Variants in SHCBP1 observed in about 807,000 individuals in gnomAD.
SHCBP1 encodes the protein SHC SH2 domain-binding protein 1.
Under a neutral mutation model 75.1 loss-of-function variants are expected in SHCBP1, and 60 were observed. The ratio of observed to expected loss-of-function variants is 0.80; its 90% CI spans 0.65 to 0.99. The LOEUF (loss-of-function observed/expected upper bound fraction) is 0.99. Among genes scored for constraint, SHCBP1 ranks in the 50% least tolerant of loss-of-function variants. The pLI is 0.00. For missense variants in SHCBP1, 709 were observed against 809.4 expected, an observed-to-expected ratio of 0.88 and a Z score of 1.50; for synonymous variants, 290 against 293.2, an observed-to-expected ratio of 0.99 and a Z score of 0.11.
chr16:46,597,762 T>C (rs2142999628), intron 9 of SHCBP1, among the ~76,000 whole-genome samples: 1 of 152,388 alleles, frequency 6.6e-6, no homozygotes, highest in African/African-American at 2.4e-5. Context: ...CTCTGTAGCA[T>C]GTGATCTTGT....
At position 46,616,532 on chromosome 16, in the gene SHCBP1, G is replaced by A. The variant is rs758143740; in HGVS notation, c.388-378C>T. The stretch of plus-strand genomic sequence containing the variant: ...GACAGGCTTGGCAGCTGGAGGAGCG[G>A]AAAGGCAGTCCTTCTTGCTGGAGCC... On this transcript the variant is annotated intron_variant, in intron 3 of 12. Transcript: ENST00000303383. This position sits in a 1 kb window ranked among gnomAD's most constrained non-coding sequence, Gnocchi z 4.4. Among the ~76,000 whole-genome samples the A allele has an allele frequency of 6.6e-6, 1 of 152,160 alleles. No individual in the cohort carries two copies. The highest frequency in any genetic ancestry group is 2.4e-5 in the African/African-American group (1 of 41,428).
intron 10 of SHCBP1, among the ~76,000 whole-genome samples, chr16:46,588,142 C>T (rs1005412210): frequency 3.9e-5 from 6 of 152,054 alleles, no homozygotes; most frequent in Admixed American, 3.9e-4. Context: ...ACACAACATA[C>T]CAGAATCTCT....
chr16:46,592,190 AAC>A (rs949545362), intron 10 of SHCBP1, among the ~76,000 whole-genome samples: 5 of 152,260 alleles, frequency 3.3e-5, no homozygotes, highest in Admixed American at 6.5e-5. Flanking sequence ...AAAGAAAAAA[AAC>A]ACAGAACAAT....
chr16:46,592,207 C>G (rs1042688499), intron 10 of SHCBP1, among the ~76,000 whole-genome samples: 85 of 151,614 alleles, frequency 5.6e-4, no homozygotes, highest in African/African-American at 1.8e-3. Context: ...AACAATGAAA[C>G]AAAGAGTTGG....
chr16:46,600,182 A>G (rs1965211099), intron 8 of SHCBP1, among the ~76,000 whole-genome samples: 1 of 152,222 alleles, frequency 6.6e-6, no homozygotes, highest in South Asian at 2.1e-4. Context: ...GTCCCGTATC[A>G]GGAAGACTAC....
chr16:46,613,577 CT>C (rs1338235554), intron 4 of SHCBP1, among the ~76,000 whole-genome samples: 2 of 152,330 alleles, frequency 1.3e-5, no homozygotes, highest in Admixed American at 6.5e-5. Flanking sequence ...TTCCCCACCC[CT>C]GCCTCCCCTT....
intron 9 of SHCBP1, among the ~76,000 whole-genome samples, chr16:46,597,479 T>C (rs1433838937): frequency 6.6e-6 from 1 of 152,246 alleles, no homozygotes; most frequent in East Asian, 1.9e-4. Flanking sequence ...ATGTTTATAA[T>C]GCATCTATTA....
At chr16:46,605,804 T>C (rs1205653724) in intron 5 of SHCBP1, among the ~76,000 whole-genome samples, 2 of 152,046 alleles carry the variant, frequency 1.3e-5, no homozygotes, top group Non-Finnish European at 1.5e-5. Flanking sequence ...GATAGAACCA[T>C]ATCTTAAACA....
In SHCBP1 at chr16:46,582,159, T is replaced by C. The variant is rs894516529; in HGVS notation, c.1694-105A>G. ...CAACAAGCAGCTGCCTTGCTTTCTATACCAAGGTTCCCTGACCCTCACACA... is the reference window on the plus strand; with the variant it reads ...CAACAAGCAGCTGCCTTGCTTTCTACACCAAGGTTCCCTGACCCTCACACA... On this transcript the variant is annotated intron_variant, in intron 12 of 12. Coordinates refer to ENST00000303383, the MANE Select transcript of SHCBP1 (RefSeq NM_024745.5). 1.8e-5 allele frequency: 21 copies of C among 1,198,164 alleles called. No homozygotes were observed. In the South Asian group the frequency reaches 2.5e-4, roughly 14 times the overall value. 74.2% of individuals were successfully genotyped at this position (1,198,164 alleles called of 1,614,324 possible).
intron 4 of SHCBP1, among the ~76,000 whole-genome samples, chr16:46,614,595 C>CA (rs1243000504): frequency 6.6e-6 from 1 of 152,026 alleles, no homozygotes; most frequent in Non-Finnish European, 1.5e-5. Context: ...ATAACTATGG[C>CA]AAAAAAGACT....
chr16:46,603,780 T>G, intron 7 of SHCBP1, 121 bp from the exon 8 acceptor site: 5 of 1,384,766 alleles, frequency 3.6e-6, no homozygotes, highest in South Asian at 2.7e-5. Context: ...TATTGAAGCA[T>G]CTCCTTTGAT....
chr16:46,583,658 C>T lies in SHCBP1; in HGVS notation c.1552-1G>A. On this transcript the variant is annotated splice_acceptor_variant, in intron 11 of 12. Transcript: ENST00000303383. LOFTEE classifies it high-confidence loss of function. ...TGTCATAATGTTCATCTAAGAAGTC[C>T]TGTGACATTGAAAACAAATGTTTTA... 2 of 1,597,494 alleles carry T rather than the reference C, an allele frequency of 1.3e-6. No individual in the cohort carries two copies. Among genetic ancestry groups the T allele is most frequent in the Non-Finnish European group, 1.7e-6 (2 of 1,176,474 alleles).
In SHCBP1 at chr16:46,598,341, C is replaced by T. The variant is rs142683754; in HGVS notation, c.1345+1490G>A. ...TTGAAAGTCGAAATTACTCCTTGAT[C>T]CATGGGCTGCAGAATGGATATTATT... On this transcript the variant is annotated intron_variant, in intron 9 of 12. Coordinates refer to ENST00000303383, the MANE Select transcript of SHCBP1 (RefSeq NM_024745.5). Among the ~76,000 whole-genome samples the T allele has an allele frequency of 3.0e-3, 457 of 152,284 alleles. 2 individuals are homozygous for T. Among genetic ancestry groups the T allele is most frequent in the African/African-American group, 0.01 (433 of 41,548 alleles).
At chr16:46,619,007 C>T (rs1218294082) in intron 1 of SHCBP1, among the ~76,000 whole-genome samples, 5 of 152,194 alleles carry the variant, frequency 3.3e-5, no homozygotes, top group Non-Finnish European at 7.3e-5. Context: ...TTATTTCCTA[C>T]AATATCAGTC....
intron 5 of SHCBP1, among the ~76,000 whole-genome samples, chr16:46,606,036 G>GTTTC (rs542966336): frequency 6.0e-4 from 91 of 152,112 alleles, no homozygotes; most frequent in African/African-American, 2.2e-3. Context: ...ATGAAACCAT[G>GTTTC]TTCTACTAAG....
chr16:46,593,824 CCA>C (rs1334837093), intron 10 of SHCBP1, among the ~76,000 whole-genome samples: 3 of 151,802 alleles, frequency 2.0e-5, no homozygotes, highest in Non-Finnish European at 4.4e-5. Flanking sequence ...TTAATCCTTC[CCA>C]AATTGACATA....
chr16:46,604,060 G>C lies in SHCBP1; in HGVS notation c.1007C>G (p.Ser336Cys). The change falls in exon 7 of 13, where the codon TCC becomes TGC. Residue 336 changes from serine to cysteine, a missense_variant. Physicochemically the swap from Ser to Cys is moderately radical, Grantham distance 112. Transcript: ENST00000303383. ...CAGGAGACCAGCCATCATGGTGGAGGAGACCACATGAGTGATCTTCTGACC... is the reference window on the plus strand; with the variant it reads ...CAGGAGACCAGCCATCATGGTGGAGCAGACCACATGAGTGATCTTCTGACC... Reference protein sequence around the residue: ...SSGQKITHVVSSTMMAGLLRS... With the variant: ...SSGQKITHVVCSTMMAGLLRS... 6.2e-7 allele frequency: 1 copy of C among 1,614,158 alleles called. No individual in the cohort carries two copies. The highest frequency in any genetic ancestry group is 8.5e-7 in the Non-Finnish European group (1 of 1,179,996).
intron 4 of SHCBP1, among the ~76,000 whole-genome samples, chr16:46,612,907 C>A (rs1445368987): frequency 6.6e-6 from 1 of 152,192 alleles, no homozygotes; most frequent in Non-Finnish European, 1.5e-5. Context: ...ATCCACTCGA[C>A]CACCAAGTCC....
intron 1 of SHCBP1, among the ~76,000 whole-genome samples, chr16:46,620,033 C>T (rs932597401): frequency 6.6e-6 from 1 of 151,510 alleles, no homozygotes; most frequent in Admixed American, 6.6e-5. Context: ...TGAGACTCTG[C>T]CTCAAAAAAA....
Sources: allele counts gnomAD v4.1 joint callset (sites outside exome capture counted in the v4.1 genomes callset), GRCh38; gene constraint gnomAD v4.1.1; non-coding constraint Gnocchi (gnomAD v3.1); transcripts MANE v1.5; gene names NCBI Gene and HGNC (gene_info 2026-07-23, HGNC 2026-07-21).